ARHGEF6: variants seen among roughly 807,000 people sequenced by gnomAD.
ARHGEF6 encodes the protein Rac/Cdc42 guanine nucleotide exchange factor 6.
A neutral mutation model predicts 70.3 loss-of-function variants in ARHGEF6; 9 were observed. That is an observed-to-expected ratio of 0.13 (90% CI 0.08 to 0.22). The LOEUF is 0.22. Among genes scored for constraint, ARHGEF6 ranks in the 10% least tolerant of loss-of-function variants. The pLI is 1.00. For missense variants in ARHGEF6, 470 were observed against 563.0 expected (o/e 0.83, Z 1.67); for synonymous variants, 201 against 207.8 (o/e 0.97, Z 0.28).
At chrX:136,756,408 T>C (rs910174552) in intron 2 of ARHGEF6, among the ~76,000 whole-genome samples, 3 of 112,027 alleles carry the variant, frequency 2.7e-5, no homozygotes, top group African/African-American at 3.2e-5. Context: ...CTCATTATCA[T>C]AGAGAAGAGA....
rs1165781051 is a variant in ARHGEF6 at position 136,767,461 on chromosome X, C to G, written c.249+11953G>C. 6 of 754,106 alleles carry G rather than the reference C, an allele frequency of 8.0e-6. No individual in the cohort carries two copies. The African/African-American group carries it at 1.4e-4, about 17-fold the overall frequency. 62.1% of individuals were successfully genotyped at this position (754,106 alleles called of 1,213,427 possible). A position where few individuals can be genotyped will look rare whatever the true frequency, so the allele number is the denominator to read the frequency against. ...TGTGCCGCGCCCGCAACCTCTCCAG[C>G]CCAGGGATTGTTTTTTAATCTAAAG... On this transcript the variant is annotated intron_variant, in intron 2 of 21. Coordinates refer to ENST00000250617, the MANE Select transcript of ARHGEF6 (RefSeq NM_004840.3).
intron 19 of ARHGEF6, among the ~76,000 whole-genome samples, chrX:136,674,730 A>G (rs1043476678): frequency 1.8e-5 from 2 of 112,028 alleles, no homozygotes; most frequent in African/African-American, 6.5e-5. Context: ...ACTTCAAAGG[A>G]GAACAACTTT....
chrX:136,756,428 G>A (rs893755986), intron 2 of ARHGEF6, among the ~76,000 whole-genome samples: 3 of 111,681 alleles, frequency 2.7e-5, no homozygotes, highest in African/African-American at 6.5e-5. Flanking sequence ...AAGTTGCAAA[G>A]AACTGTGGGA....
At chrX:136,708,218 T>G (rs2076646899) in intron 8 of ARHGEF6, among the ~76,000 whole-genome samples, 1 of 106,752 alleles carries the variant, frequency 9.4e-6, no homozygotes, top group African/African-American at 3.4e-5. Context: ...TGTCGGGGAG[T>G]GGGGTGAAAG....
chrX:136,740,027 T>C (rs1199213885), intron 5 of ARHGEF6, among the ~76,000 whole-genome samples: 1 of 110,660 alleles, frequency 9.0e-6, no homozygotes, highest in Non-Finnish European at 1.9e-5. Context: ...TTATTATTTT[T>C]AGACAGAGTC....
chrX:136,752,369 A>G (rs2077160721), intron 2 of ARHGEF6, among the ~76,000 whole-genome samples: 1 of 111,735 alleles, frequency 8.9e-6, no homozygotes, highest in Non-Finnish European at 1.9e-5. Flanking sequence ...TATTTGTTGA[A>G]CCAGGTCTGC....
chrX:136,723,712 C>A (rs1371707977), intron 6 of ARHGEF6, among the ~76,000 whole-genome samples: 9 of 110,724 alleles, frequency 8.1e-5, no homozygotes, highest in Non-Finnish European at 1.9e-5. Context: ...TCACTCGAGG[C>A]CAGGAGTTTG....
At chrX:136,745,670 G>T (rs1369010676) in intron 3 of ARHGEF6, among the ~76,000 whole-genome samples, 1 of 111,588 alleles carries the variant, frequency 9.0e-6, no homozygotes, top group East Asian at 2.8e-4. Context: ...GAACTATATT[G>T]GGTACCAAAC....
intron 2 of ARHGEF6, chrX:136,767,302 C>G: frequency 5.3e-6 from 4 of 754,724 alleles, no homozygotes; most frequent in Non-Finnish European, 4.7e-6. Context: ...CCAGCCGGAG[C>G]TGGGACCCTG....
chrX:136,669,382 G>A (rs900635333), intron 21 of ARHGEF6, 100 bp downstream of exon 21: 15 of 770,083 alleles, frequency 1.9e-5, no homozygotes, highest in East Asian at 6.4e-5. Context: ...ATCCCCCCTC[G>A]CTACCTTGCT....
At chrX:136,767,115 C>T in intron 2 of ARHGEF6, 1 of 755,166 alleles carries the variant, frequency 1.3e-6, no homozygotes, top group Non-Finnish European at 1.6e-6. Flanking sequence ...CTCCCCTTCC[C>T]CTGACCCTTT....
At chrX:136,685,121 A>T (rs749317181) in intron 12 of ARHGEF6, among the ~76,000 whole-genome samples, 1 of 111,279 alleles carries the variant, frequency 9.0e-6, no homozygotes, top group Non-Finnish European at 1.9e-5. Context: ...ACTGTGCTGC[A>T]GCAAACCAAA....
At chrX:136,766,758 T>G (rs1207296380) in intron 2 of ARHGEF6, among the ~76,000 whole-genome samples, 1 of 112,754 alleles carries the variant, frequency 8.9e-6, no homozygotes, top group African/African-American at 3.2e-5. Flanking sequence ...CTGTACTTAA[T>G]GCAGAAAACA....
chrX:136,745,517 C>T (rs998888080), intron 3 of ARHGEF6, among the ~76,000 whole-genome samples, 170 bp from the exon 4 acceptor site: 1 of 111,517 alleles, frequency 9.0e-6, no homozygotes, highest in African/African-American at 3.3e-5. Context: ...TTTTTGGTGG[C>T]CAACTTCCTG....
chrX:136,682,699 G>A (rs1447304156), intron 13 of ARHGEF6, 59 bp downstream of exon 13: 33 of 953,351 alleles, frequency 3.5e-5, no homozygotes, highest in Non-Finnish European at 4.7e-5. Flanking sequence ...TATTGCATCT[G>A]GATGGAAACC....
intron 2 of ARHGEF6, among the ~76,000 whole-genome samples, chrX:136,749,048 T>C (rs1373428120): frequency 8.9e-6 from 1 of 112,145 alleles, no homozygotes; most frequent in Admixed American, 9.5e-5. Context: ...CCCAGATGCA[T>C]CTAAAAATGA....
rs751007254 is a variant in ARHGEF6 at position 136,685,528 on chromosome X, AC to A, written c.1392+148del. The A allele has an allele frequency of 8.3e-4, 491 of 593,218 alleles. 4 individuals are homozygous for A. The African/African-American group carries it at 0.01, about 13-fold the overall frequency. The allele number at this position is 593,218 out of a possible 1,213,427, so 48.9% of individuals were successfully genotyped here. A position where few individuals can be genotyped will look rare whatever the true frequency, so the allele number is the denominator to read the frequency against. On this transcript the variant is annotated intron_variant, in intron 12 of 21. Coordinates refer to ENST00000250617, the MANE Select transcript of ARHGEF6 (RefSeq NM_004840.3). Reference sequence around the variant, plus strand: ...AGGCTCAGGCAGGAGGATTGCTTGAACCCAGGAGGCAGAGGTTGCAGTGAGC... The same window carrying A: ...AGGCTCAGGCAGGAGGATTGCTTGAACCAGGAGGCAGAGGTTGCAGTGAGC...
At chrX:136,774,030 T>C (rs2077382760) in intron 2 of ARHGEF6, 1 of 112,079 alleles carries the variant, frequency 8.9e-6, no homozygotes, top group Non-Finnish European at 1.9e-5. Context: ...ATACTAAAAT[T>C]GGAACGATAC....
At chrX:136,685,894 G>T in intron 11 of ARHGEF6, 71 bp from the exon 12 acceptor site, 1 of 1,114,594 alleles carries the variant, frequency 9.0e-7, no homozygotes. Flanking sequence ...ACCAAAGTAA[G>T]ATGTGGCTTC....
Sources: gnomAD v4.1 joint callset for allele counts (sites outside exome capture counted in the v4.1 genomes callset) on GRCh38, gnomAD v4.1.1 for gene constraint, MANE v1.5 for transcripts, NCBI Gene and HGNC (gene_info 2026-07-23, HGNC 2026-07-21) for gene names.